Variants in LRRC3B observed in about 807,000 individuals in gnomAD.
LRRC3B encodes leucine-rich repeat-containing protein 3B.
In LRRC3B, 2 loss-of-function variants were observed where a neutral mutation model predicts 12.8. That is an observed-to-expected ratio of 0.16 (90% CI 0.06 to 0.49). The LOEUF is 0.49. LRRC3B is among the 20% of genes least tolerant of loss of function. The pLI, the probability that LRRC3B is intolerant of heterozygous loss-of-function variation, is 0.96. For synonymous variants in LRRC3B, 132 were observed against 122.0 expected (o/e 1.08, Z -0.54); for missense variants, 189 against 319.4 (o/e 0.59, Z 3.11).
intron 1 of LRRC3B, among the ~76,000 whole-genome samples, chr3:26,673,192 T>C (rs1313974737): frequency 6.6e-6 from 1 of 152,090 alleles, no homozygotes; most frequent in Non-Finnish European, 1.5e-5. Flanking sequence ...GTTGCTTTTA[T>C]TTTTTTTCTA....
chr3:26,680,116 G>T (rs1699940249), intron 1 of LRRC3B, among the ~76,000 whole-genome samples: 1 of 152,160 alleles, frequency 6.6e-6, no homozygotes, highest in African/African-American at 2.4e-5. Flanking sequence ...TTAAAATTCA[G>T]TATTTCTAGG....
chr3:26,656,658 C>A (rs956619001), intron 1 of LRRC3B, among the ~76,000 whole-genome samples: 3 of 152,122 alleles, frequency 2.0e-5, no homozygotes, highest in Non-Finnish European at 4.4e-5. Context: ...TTTAGAGAGA[C>A]CCGTATTAGG....
chr3:26,626,211 C>T (rs1309837345), intron 1 of LRRC3B, among the ~76,000 whole-genome samples: 2 of 152,186 alleles, frequency 1.3e-5, no homozygotes, highest in Non-Finnish European at 2.9e-5. Context: ...TAGAGGAAAT[C>T]GATTTGGAGA....
chr3:26,701,572 G>A (rs181856624), intron 1 of LRRC3B, among the ~76,000 whole-genome samples: 35 of 152,098 alleles, frequency 2.3e-4, no homozygotes, highest in Admixed American at 4.6e-4. Flanking sequence ...TCTAGTGACC[G>A]CATTTGACCT....
intron 1 of LRRC3B, among the ~76,000 whole-genome samples, chr3:26,690,972 C>A (rs1248931083): frequency 1.3e-5 from 2 of 150,674 alleles, no homozygotes; most frequent in South Asian, 4.2e-4. Flanking sequence ...TTGGCTTTTC[C>A]ATTCTGTCAT....
intron 1 of LRRC3B, among the ~76,000 whole-genome samples, chr3:26,649,880 C>G (rs183421333): frequency 1.1e-4 from 16 of 152,264 alleles, no homozygotes; most frequent in African/African-American, 3.8e-4. Flanking sequence ...TCTTAACACA[C>G]TTTCCCTTTT....
chr3:26,628,859 AAAAAT>A (rs1182440529), intron 1 of LRRC3B, among the ~76,000 whole-genome samples: 1 of 151,680 alleles, frequency 6.6e-6, no homozygotes, highest in African/African-American at 2.4e-5. Context: ...AAAAAAAAAA[AAAAAT>A]CCTCCACAAA....
intron 1 of LRRC3B, among the ~76,000 whole-genome samples, chr3:26,704,600 A>G (rs1214859836): frequency 6.6e-6 from 1 of 151,480 alleles, no homozygotes; most frequent in Non-Finnish European, 1.5e-5. Context: ...GGGTCTTGCT[A>G]TGTTGCCCTG....
chr3:26,625,035 G>A (rs1459186787), intron 1 of LRRC3B: 1 of 152,438 alleles, frequency 6.6e-6, no homozygotes, highest in African/African-American at 2.4e-5. Flanking sequence ...AGGTGCCTTT[G>A]GCTGAGAGTG....
intron 1 of LRRC3B, among the ~76,000 whole-genome samples, chr3:26,651,157 G>A (rs1361952078): frequency 6.6e-6 from 1 of 152,080 alleles, no homozygotes; most frequent in Non-Finnish European, 1.5e-5. Context: ...TATAGAGAAT[G>A]GGTGTAGTTA....
intron 1 of LRRC3B, among the ~76,000 whole-genome samples, chr3:26,645,689 C>T (rs1267358727): frequency 6.6e-6 from 1 of 151,954 alleles, no homozygotes; most frequent in Non-Finnish European, 1.5e-5. Context: ...ACATTACTTT[C>T]TGGAGTGTGA....
intron 1 of LRRC3B, among the ~76,000 whole-genome samples, chr3:26,650,285 A>G (rs1279407500): frequency 2.0e-5 from 3 of 152,108 alleles, no homozygotes; most frequent in Non-Finnish European, 4.4e-5. Context: ...TCCCATTTCT[A>G]TGGGTATTAA....
intron 1 of LRRC3B, among the ~76,000 whole-genome samples, chr3:26,683,531 C>T (rs1700013389): frequency 6.6e-6 from 1 of 152,122 alleles, no homozygotes; most frequent in Non-Finnish European, 1.5e-5. Flanking sequence ...CAGGTCCTCA[C>T]CAGGGGATGT....
intron 1 of LRRC3B, among the ~76,000 whole-genome samples, chr3:26,643,248 ATGTGTGAGTG>A (rs1699069400): frequency 2.4e-5 from 3 of 123,118 alleles, no homozygotes; most frequent in Admixed American, 8.8e-5. Flanking sequence ...ATACACACAT[ATGTGTGAGTG>A]TGTGTGTGTG....
intron 1 of LRRC3B, among the ~76,000 whole-genome samples, chr3:26,708,015 A>AACAATC (rs1700646016): frequency 6.6e-6 from 1 of 152,212 alleles, no homozygotes; most frequent in Non-Finnish European, 1.5e-5. Context: ...TTCCATGATT[A>AACAATC]ACAATCCAGA....
At chr3:26,695,312 G>C (rs945104733) in intron 1 of LRRC3B, among the ~76,000 whole-genome samples, 1 of 152,204 alleles carries the variant, frequency 6.6e-6, no homozygotes, top group Admixed American at 6.5e-5. Context: ...GGGACCACGA[G>C]GTCAGGAGAT....
rs1001509850 is a variant in LRRC3B at position 26,658,304 on chromosome 3, C to T, written c.-161+35067C>T. Among the ~76,000 whole-genome samples the T allele has an allele frequency of 6.6e-5, 10 of 152,146 alleles. No individual in the cohort carries two copies. The South Asian group carries it at 1.2e-3, about 19-fold the overall frequency. ...CTATCTCCTGACCTTGTGATCTGCC[C>T]GCCTCGGCCTCCCAGAGTGCTGGGA... On this transcript the variant is annotated intron_variant, in intron 1 of 1. Coordinates refer to ENST00000396641, the Ensembl canonical transcript of LRRC3B.
At chr3:26,632,176 C>T (rs1278951694) in intron 1 of LRRC3B, among the ~76,000 whole-genome samples, 1 of 152,228 alleles carries the variant, frequency 6.6e-6, no homozygotes, top group Non-Finnish European at 1.5e-5. Context: ...CAATTAATAA[C>T]TTTTCTTGCA....
chr3:26,675,114 G>A (rs1275950187), intron 1 of LRRC3B, among the ~76,000 whole-genome samples: 6 of 152,044 alleles, frequency 3.9e-5, no homozygotes, highest in East Asian at 1.9e-4. Context: ...ATGTCTTCCC[G>A]GTGTGGTTCT....
Sources: allele counts gnomAD v4.1 joint callset (sites outside exome capture counted in the v4.1 genomes callset), GRCh38; gene constraint gnomAD v4.1.1; transcripts MANE v1.5; gene names NCBI Gene and HGNC (gene_info 2026-07-23, HGNC 2026-07-21).